SIM2: variants seen among roughly 807,000 people sequenced by gnomAD.
The protein encoded by SIM2 is SIM bHLH transcription factor 2.
In SIM2, 28 loss-of-function variants were observed where a neutral mutation model predicts 64.8. That is an observed-to-expected ratio of 0.43 (90% CI 0.32 to 0.59). SIM2 has a LOEUF of 0.59. Ranked by LOEUF, SIM2 falls within the 20% of genes least tolerant of loss-of-function variation. The pLI is 0.07. For synonymous variants in SIM2, 408 were observed against 391.1 expected, an observed-to-expected ratio of 1.04 and a Z score of -0.51; for missense variants, 847 against 871.4, an observed-to-expected ratio of 0.97 and a Z score of 0.35.
intron 6 of SIM2, among the ~76,000 whole-genome samples, chr21:36,729,367 G>C (rs116370860): frequency 1.3e-5 from 2 of 152,008 alleles, no homozygotes; most frequent in East Asian, 1.9e-4. Context: ...GCTCTACAAG[G>C]CCCCCTCCCC....
intron 8 of SIM2, among the ~76,000 whole-genome samples, chr21:36,742,378 G>T (rs62226260): frequency 3.0e-3 from 447 of 151,304 alleles, no homozygotes; most frequent in Non-Finnish European, 5.4e-3. Flanking sequence ...CACTCCAGAA[G>T]GTCAAGTTCA....
rs1461449573 is a variant in SIM2 at position 36,726,307 on chromosome 21, C to A, written c.732C>A (p.Phe244Leu). ...FRASLDLKLI[F>L]LDSRVTEVTG... ...CCAGCCTTGACCTGAAGCTGATATTCCTGGATTCCAGGTGAGTTCGGCACC... is the reference window on the plus strand; with the variant it reads ...CCAGCCTTGACCTGAAGCTGATATTACTGGATTCCAGGTGAGTTCGGCACC... The change falls in exon 6 of 11, where the codon TTC becomes TTA. Residue 244 changes from phenylalanine to leucine, a missense_variant. Around this residue, in one of 3 missense-constraint regions of SIM2, gnomAD observed 397 missense variants for 439.2 expected, o/e 0.90. Coordinates refer to ENST00000290399, the MANE Select transcript of SIM2 (RefSeq NM_005069.6). This position sits in a 1 kb window ranked among gnomAD's most constrained non-coding sequence, Gnocchi z 4.5. 1.2e-6 allele frequency: 2 copies of A among 1,612,552 alleles called. No individual in the cohort carries two copies. The highest frequency in any genetic ancestry group is 3.3e-5 in the Admixed American group (2 of 59,948).
At position 36,699,430 on chromosome 21, in the gene SIM2, C is replaced by T; in HGVS notation, c.-317C>T. 5.3e-6 allele frequency: 1 copy of T among 188,698 alleles called. No homozygotes were observed. Among genetic ancestry groups the T allele is most frequent in the Non-Finnish European group, 1.1e-5 (1 of 94,098 alleles). 11.7% of individuals were successfully genotyped at this position (188,698 alleles called of 1,614,324 possible). On this transcript the variant is annotated 5_prime_UTR_variant, in exon 1 of 11. Coordinates refer to ENST00000290399, the MANE Select transcript of SIM2 (RefSeq NM_005069.6). This position sits in a 1 kb window ranked among gnomAD's most constrained non-coding sequence, Gnocchi z 5.6. Reference sequence around the variant, plus strand: ...CGGCCGCCCCCACCCCCCAGGAAGGCCGAGGCAGGAGAGGCAGGAGGGAGG... The same window carrying T: ...CGGCCGCCCCCACCCCCCAGGAAGGTCGAGGCAGGAGAGGCAGGAGGGAGG...
At chr21:36,711,120 T>A (rs563021314) in intron 2 of SIM2, among the ~76,000 whole-genome samples, 65 of 152,308 alleles carry the variant, frequency 4.3e-4, no homozygotes, top group African/African-American at 1.4e-3. Flanking sequence ...TACCCAACAT[T>A]TTCCATTAAG....
intron 3 of SIM2, among the ~76,000 whole-genome samples, chr21:36,717,689 C>T (rs977140107): frequency 3.9e-5 from 6 of 152,012 alleles, no homozygotes; most frequent in South Asian, 2.1e-4. Flanking sequence ...TCAGGTGATC[C>T]GCCTGCCTCG....
In SIM2 at chr21:36,699,597, C is replaced by G. The variant is rs1358760772; in HGVS notation, c.-150C>G. On this transcript the variant is annotated 5_prime_UTR_variant, in exon 1 of 11. Transcript: ENST00000290399. This position sits in a 1 kb window ranked among gnomAD's most constrained non-coding sequence, Gnocchi z 5.6. ...CGGCTGCGGGGAGGCGTCTCGGAACCCCGGGAGGCCCCCCGCACCTGCCCG... is the reference window on the plus strand; with the variant it reads ...CGGCTGCGGGGAGGCGTCTCGGAACGCCGGGAGGCCCCCCGCACCTGCCCG... 3 of 762,562 alleles carry G rather than the reference C, an allele frequency of 3.9e-6. No homozygotes were observed. Among genetic ancestry groups the G allele is most frequent in the Admixed American group, 4.3e-5 (1 of 23,170 alleles). The allele number at this position is 762,562 out of a possible 1,614,324, so 47.2% of individuals were successfully genotyped here.
At chr21:36,717,282 C>T (rs1025310465) in intron 3 of SIM2, among the ~76,000 whole-genome samples, 6 of 152,116 alleles carry the variant, frequency 3.9e-5, no homozygotes, top group African/African-American at 1.4e-4. Context: ...TTACTTTTTT[C>T]CAGAAAAGAA....
intron 1 of SIM2, among the ~76,000 whole-genome samples, chr21:36,702,040 G>A (rs192830930): frequency 6.6e-6 from 1 of 152,238 alleles, no homozygotes; most frequent in African/African-American, 2.4e-5. Flanking sequence ...GCTGTTCGCT[G>A]TTTGAGGGAT....
chr21:36,702,799 AG>A (rs939953390), intron 1 of SIM2, among the ~76,000 whole-genome samples: 6 of 152,020 alleles, frequency 3.9e-5, no homozygotes, highest in African/African-American at 1.5e-4. Flanking sequence ...GGGCTGTGGC[AG>A]GGGCTCTCAG....
chr21:36,718,326 TCCA>T (rs1449183708), intron 3 of SIM2, among the ~76,000 whole-genome samples: 7 of 152,134 alleles, frequency 4.6e-5, no homozygotes, highest in Non-Finnish European at 8.8e-5. Flanking sequence ...CCAGAACTTC[TCCA>T]TTAAGCAGCT....
At chr21:36,720,483 A>T (rs2088810682) in intron 4 of SIM2, 2 of 153,546 alleles carry the variant, frequency 1.3e-5, no homozygotes, top group South Asian at 4.1e-4. Flanking sequence ...AGGTTTAAAC[A>T]TATCGCTTAT....
intron 2 of SIM2, 131 bp from the exon 3 acceptor site, chr21:36,712,402 T>G (rs1024310089): frequency 1.3e-5 from 8 of 633,376 alleles, no homozygotes; most frequent in Non-Finnish European, 2.2e-5. Flanking sequence ...CTGGGCTTCA[T>G]TTTTGCATTT....
At position 36,747,951 on chromosome 21, in the gene SIM2, C is replaced by A; in HGVS notation, c.1863C>A (p.Gly621=). 1 of 1,010,720 alleles carries A rather than the reference C, an allele frequency of 9.9e-7. No individual in the cohort carries two copies. Among genetic ancestry groups the A allele is most frequent in the Non-Finnish European group, 1.2e-6 (1 of 850,936 alleles). 62.6% of individuals were successfully genotyped at this position (1,010,720 alleles called of 1,614,324 possible). The change falls in exon 11 of 11, where the codon GGC becomes GGA. Residue 621 remains glycine (G), a synonymous_variant. Transcript: ENST00000290399. The surrounding 1 kb of genome is among the most constrained non-coding windows in gnomAD (Gnocchi z 4.5). ...GGGGCGCCGCACCCGCCGCCTCCGG[C>A]CTGGCCTGCGCTCCCGGCGGCCCCG... ...PLGGAAPAAS[G]LACAPGGPEA... is the part of the protein sequence containing the mutation.
chr21:36,715,112 T>G (rs2088728906), intron 3 of SIM2, among the ~76,000 whole-genome samples: 1 of 152,196 alleles, frequency 6.6e-6, no homozygotes, highest in Non-Finnish European at 1.5e-5. Context: ...CGGGGCTGTG[T>G]TAGCATCAGT....
Position 36,743,534 on chromosome 21 carries a change from A to C in SIM2, c.1146A>C (p.Arg382Ser), listed in dbSNP as rs1341886759. ...PKNTKMKTKL[R>S]TNPYPPQQYS... ...ATACCAAGATGAAGACAAAGCTGAG[A>C]ACAAACCCTTACCCCCCACAGGTAA... The change falls in exon 9 of 11, where the codon AGA (arginine) becomes AGC (serine). Residue 382 changes from arginine (R) to serine (S), a missense_variant. By Grantham distance (110) the Arg-to-Ser change is moderately radical (BLOSUM62 -1). Transcript: ENST00000290399. The C allele has an allele frequency of 2.5e-6, 4 of 1,613,994 alleles. No individual in the cohort carries two copies. The Admixed American group carries it at 6.7e-5, about 27-fold the overall frequency.
At chr21:36,708,017 C>T (rs2088612861) in intron 1 of SIM2, among the ~76,000 whole-genome samples, 1 of 126,748 alleles carries the variant, frequency 7.9e-6, no homozygotes, top group Non-Finnish European at 1.7e-5. Context: ...CCGCAGCTCG[C>T]TCCGCAGGGG....
chr21:36,715,166 G>A (rs143711512), intron 3 of SIM2, among the ~76,000 whole-genome samples: 7 of 152,202 alleles, frequency 4.6e-5, no homozygotes, highest in Non-Finnish European at 8.8e-5. Context: ...CCTCTTTGTC[G>A]GTGTCTAGGG....
intron 5 of SIM2, 21 bp downstream of exon 5, chr21:36,723,151 G>A (rs376487286): frequency 1.1e-5 from 18 of 1,602,598 alleles, no homozygotes; most frequent in South Asian, 5.5e-5. Context: ...TCATGGGTGC[G>A]GGGAGGAGCT....
intron 2 of SIM2, chr21:36,709,521 C>T (rs1290995004): frequency 3.2e-6 from 2 of 617,662 alleles, no homozygotes; most frequent in Non-Finnish European, 3.0e-6. Flanking sequence ...ACGCCAGGGG[C>T]GCCTCCCGAG....
Sources: gnomAD v4.1 joint callset for allele counts (sites outside exome capture counted in the v4.1 genomes callset) on GRCh38, gnomAD v4.1.1 for gene constraint, gnomAD v4.1.1 regional missense constraint, Gnocchi (gnomAD v3.1) non-coding constraint, MANE v1.5 for transcripts, NCBI Gene and HGNC (gene_info 2026-07-23, HGNC 2026-07-21) for gene names.